CYP3A7: variants seen among roughly 807,000 people sequenced by gnomAD.
The protein encoded by CYP3A7 is cytochrome P450 3A7.
In CYP3A7, 45 loss-of-function variants were observed where a neutral mutation model predicts 55.2. The ratio of observed to expected loss-of-function variants is 0.82; its 90% CI spans 0.64 to 1.05. The LOEUF (loss-of-function observed/expected upper bound fraction) is 1.05. Ranked by LOEUF, CYP3A7 falls within the 50% of genes least tolerant of loss-of-function variation. CYP3A7 has a pLI of 0.00. For missense variants in CYP3A7, 548 were observed against 605.3 expected (o/e 0.91, Z 0.99); for synonymous variants, 180 against 207.4 (o/e 0.87, Z 1.13).
chr7:99,723,625 CCT>C (rs1213387421), intron 2 of CYP3A7, among the ~76,000 whole-genome samples: 1 of 152,114 alleles, frequency 6.6e-6, no homozygotes, highest in Admixed American at 6.5e-5. Flanking sequence ...AGTCCCATCC[CCT>C]GTCCTCGCCC....
At chr7:99,714,265 G>T (rs1409135081) in intron 8 of CYP3A7, among the ~76,000 whole-genome samples, 1 of 152,142 alleles carries the variant, frequency 6.6e-6, no homozygotes, top group African/African-American at 2.4e-5. Context: ...ACAATTTATT[G>T]AAGGGAAGTG....
intron 9 of CYP3A7, 101 bp from the exon 10 acceptor site, chr7:99,710,993 A>T: frequency 4.4e-6 from 7 of 1,580,918 alleles, no homozygotes; most frequent in Non-Finnish European, 5.2e-6. Flanking sequence ...TCCCCAGGGG[A>T]AAAAATAGAA....
At chr7:99,732,316 G>A (rs1279706239) in intron 1 of CYP3A7, among the ~76,000 whole-genome samples, 1 of 152,228 alleles carries the variant, frequency 6.6e-6, no homozygotes, top group Non-Finnish European at 1.5e-5. Flanking sequence ...GGCAGAAGTC[G>A]CTATGCTTCC....
chr7:99,705,920 C>A (rs1813504546), intron 12 of CYP3A7, among the ~76,000 whole-genome samples: 1 of 152,108 alleles, frequency 6.6e-6, no homozygotes, highest in Non-Finnish European at 1.5e-5. Context: ...AAAATTTAAA[C>A]CAGATTATTA....
intron 1 of CYP3A7, among the ~76,000 whole-genome samples, chr7:99,731,548 A>G (rs996265021): frequency 1.3e-5 from 2 of 152,138 alleles, no homozygotes; most frequent in African/African-American, 4.8e-5. Context: ...AAAGAGTGAC[A>G]ATTTTTCTTT....
chr7:99,724,002 C>T (rs1238675641), intron 2 of CYP3A7, among the ~76,000 whole-genome samples: 1 of 152,156 alleles, frequency 6.6e-6, no homozygotes, highest in Non-Finnish European at 1.5e-5. Flanking sequence ...AGTACCACCT[C>T]CCCTGGGTCA....
chr7:99,734,929 C>T, intron 1 of CYP3A7, 94 bp downstream of exon 1: 2 of 1,588,122 alleles, frequency 1.3e-6, no homozygotes, highest in Non-Finnish European at 1.7e-6. Context: ...CCTGAACATC[C>T]TTTTTGCTAT....
At chr7:99,706,321 A>G (rs1813522528) in intron 12 of CYP3A7, among the ~76,000 whole-genome samples, 1 of 152,150 alleles carries the variant, frequency 6.6e-6, no homozygotes, top group Non-Finnish European at 1.5e-5. Flanking sequence ...CCAGCTTGGG[A>G]CTTCCAAGGG....
intron 9 of CYP3A7, among the ~76,000 whole-genome samples, chr7:99,711,289 T>C (rs1813739565): frequency 6.6e-6 from 1 of 152,204 alleles, no homozygotes; most frequent in African/African-American, 2.4e-5. Flanking sequence ...ATGTAATTCA[T>C]TTTAGCTACA....
At chr7:99,709,306 TA>T in intron 10 of CYP3A7, 45 bp from the exon 11 acceptor site, 1 of 1,590,792 alleles carries the variant, frequency 6.3e-7, no homozygotes, top group Non-Finnish European at 8.6e-7. Context: ...ATTTTTGAAT[TA>T]ACTTTTAACT....
rs754173010 is a variant in CYP3A7, at chr7:99,717,580, C to G, written c.378G>C (p.Trp126Cys). Reference sequence around the variant, plus strand: ...GAGACAGCAATGATCGTATTCTCTTCCATTCTTCATCCTCAGCTATAGAGA... The same window carrying G: ...GAGACAGCAATGATCGTATTCTCTTGCATTCTTCATCCTCAGCTATAGAGA... Reference protein sequence around the residue: ...NAISIAEDEEWKRIRSLLSPT... With the variant: ...NAISIAEDEECKRIRSLLSPT... The change falls in exon 5 of 13, where the codon TGG (tryptophan) becomes TGC (cysteine). Residue 126 changes from tryptophan (W) to cysteine (C), a missense_variant. By Grantham distance (215) the Trp-to-Cys change is radical. Coordinates refer to ENST00000336374, the MANE Select transcript of CYP3A7 (RefSeq NM_000765.5). 4.3e-5 allele frequency: 70 copies of G among 1,613,620 alleles called. No individual in the cohort carries two copies. Among genetic ancestry groups the G allele is most frequent in the Non-Finnish European group, 5.7e-5 (67 of 1,179,806 alleles).
At chr7:99,714,806 C>A in intron 7 of CYP3A7, 124 bp from the exon 8 acceptor site, 1 of 1,492,834 alleles carries the variant, frequency 6.7e-7, no homozygotes, top group Non-Finnish European at 9.0e-7. Context: ...AACTGGAAGC[C>A]ATTCCTTCTA....
In CYP3A7 at chr7:99,710,148, A is replaced by T. The variant is rs533039443; in HGVS notation, c.1026+584T>A. Among the ~76,000 whole-genome samples the T allele has an allele frequency of 2.6e-5, 4 of 152,356 alleles. No homozygotes were observed. In the East Asian group the frequency reaches 7.7e-4, roughly 29 times the overall value. On this transcript the variant is annotated intron_variant, in intron 10 of 12. Coordinates refer to ENST00000336374, the MANE Select transcript of CYP3A7 (RefSeq NM_000765.5). ...GCCATGTCTCTTCATAGCACAAAGAATCCAAGTTTTGGCAGAGGTCTGAAA... is the reference window on the plus strand; with the variant it reads ...GCCATGTCTCTTCATAGCACAAAGATTCCAAGTTTTGGCAGAGGTCTGAAA...
At chr7:99,725,410 CT>C (rs749289459) in intron 2 of CYP3A7, among the ~76,000 whole-genome samples, 1 of 152,226 alleles carries the variant, frequency 6.6e-6, no homozygotes, top group African/African-American at 2.4e-5. Flanking sequence ...GACAATGCAT[CT>C]CTGAATTATA....
At chr7:99,720,688 C>T in intron 3 of CYP3A7, 1 of 371,860 alleles carries the variant, frequency 2.7e-6, no homozygotes, top group South Asian at 3.3e-5. Flanking sequence ...TTAGAAATGA[C>T]AGGAGAGCAT....
At chr7:99,720,666 A>G (rs1392309998) in intron 3 of CYP3A7, 3 of 417,298 alleles carry the variant, frequency 7.2e-6, no homozygotes, top group East Asian at 8.9e-5. Context: ...GAGCTCTTCA[A>G]AGAGATTGTG....
At chr7:99,720,470 CA>C in intron 3 of CYP3A7, 58 bp from the exon 4 acceptor site, 1 of 1,598,124 alleles carries the variant, frequency 6.3e-7, no homozygotes, top group Non-Finnish European at 8.6e-7. Context: ...CAGCTGGAGC[CA>C]AACCCAGGAA....
chr7:99,731,071 C>A lies in CYP3A7; in HGVS notation c.153G>T (p.Leu51Phe). ...CAAAAACACTCACCTTACGGAAGGA[C>A]AAAGCATTTCCCAAAAAAGGCAGAG... ...PTPLPFLGNA[L>F]SFRKGYWTFD... is the part of the protein sequence containing the mutation. The change falls in exon 2 of 13, where the codon TTG (leucine) becomes TTT (phenylalanine). Residue 51 changes from leucine to phenylalanine, a missense_variant. Transcript: ENST00000336374. 1.9e-6 allele frequency: 3 copies of A among 1,613,778 alleles called. No individual in the cohort carries two copies. In the South Asian group the frequency reaches 3.3e-5, roughly 18 times the overall value.
At chr7:99,723,135 G>A (rs894281301) in intron 2 of CYP3A7, among the ~76,000 whole-genome samples, 28 of 152,230 alleles carry the variant, frequency 1.8e-4, no homozygotes, top group Admixed American at 1.0e-3. Context: ...GATTTGACAT[G>A]GGAAAGTGGT....
Sources: allele counts gnomAD v4.1 joint callset (sites outside exome capture counted in the v4.1 genomes callset), GRCh38; gene constraint gnomAD v4.1.1; transcripts MANE v1.5; gene names NCBI Gene and HGNC (gene_info 2026-07-23, HGNC 2026-07-21).